The following CLVS1 variants were observed in gnomAD, a reference collection of about 807,000 sequenced individuals.
The protein encoded by CLVS1 is clavesin-1.
In CLVS1, 10 loss-of-function variants were observed where a neutral mutation model predicts 33.1. The observed-to-expected ratio is 0.30, with a 90% CI of 0.19 to 0.51. The LOEUF (loss-of-function observed/expected upper bound fraction) is 0.51, where lower values mean the gene tolerates loss of function less well. Among genes scored for constraint, CLVS1 ranks in the 20% least tolerant of loss-of-function variants. The pLI is 0.97. For missense variants in CLVS1, 343 were observed against 433.4 expected (o/e 0.79, Z 1.85); for synonymous variants, 163 against 166.1 (o/e 0.98, Z 0.14).
intron 2 of CLVS1, among the ~76,000 whole-genome samples, chr8:61,227,132 A>G (rs2931346): frequency 0.63 from 95,738 of 151,830 alleles, 32,574 homozygotes; most frequent in East Asian, 0.97. Flanking sequence ...ATAGGTGGAC[A>G]ATGTTTGCAT....
intron 3 of CLVS1, among the ~76,000 whole-genome samples, chr8:61,421,777 T>A (rs117988981): frequency 6.6e-6 from 1 of 152,154 alleles, no homozygotes; most frequent in Non-Finnish European, 1.5e-5. Flanking sequence ...TGCCTTTTCA[T>A]GTTGGAAGCC....
chr8:61,086,035 CAAAAAAAAAAAAAAAAAAAAAA>C (rs4033854), intron 1 of CLVS1, among the ~76,000 whole-genome samples: 13 of 31,246 alleles, frequency 4.2e-4, no homozygotes, highest in East Asian at 1.2e-3. Flanking sequence ...GACTCCCTCT[CAAAAAAAAAAAAAAAAAAAAAA>C]AAAAAAAAAA....
intron 3 of CLVS1, among the ~76,000 whole-genome samples, chr8:61,423,408 CATT>C (rs1176538662): frequency 4.6e-5 from 7 of 152,182 alleles, no homozygotes; most frequent in African/African-American, 1.4e-4. Flanking sequence ...CAAAACAAAT[CATT>C]ATGACTTTCA....
chr8:61,247,860 T>A (rs1010164971), intron 2 of CLVS1, among the ~76,000 whole-genome samples: 1 of 152,200 alleles, frequency 6.6e-6, no homozygotes, highest in Non-Finnish European at 1.5e-5. Flanking sequence ...ATTTTGCTTA[T>A]TCCTAGGTCC....
At chr8:61,174,260 C>G (rs1323041298) in intron 2 of CLVS1, among the ~76,000 whole-genome samples, 1 of 152,096 alleles carries the variant, frequency 6.6e-6, no homozygotes, top group Non-Finnish European at 1.5e-5. Context: ...AAACTGTCTG[C>G]AAACCACACA....
chr8:61,307,083 A>T (rs1810656217), intron 2 of CLVS1, among the ~76,000 whole-genome samples: 1 of 152,240 alleles, frequency 6.6e-6, no homozygotes. Flanking sequence ...TCCAGATAAT[A>T]AAAGCCCCAG....
At chr8:61,223,033 A>G (rs150685000) in intron 2 of CLVS1, among the ~76,000 whole-genome samples, 2 of 149,916 alleles carry the variant, frequency 1.3e-5, no homozygotes, top group East Asian at 3.9e-4. Context: ...TTCTTTGGTA[A>G]GTTTTCCTCA....
intron 2 of CLVS1, among the ~76,000 whole-genome samples, chr8:61,350,007 G>A (rs1812384616): frequency 6.6e-6 from 1 of 152,074 alleles, no homozygotes; most frequent in Non-Finnish European, 1.5e-5. Context: ...ACTAATACAT[G>A]TATGGAGTAT....
intron 2 of CLVS1, among the ~76,000 whole-genome samples, chr8:61,301,478 T>C (rs532323292): frequency 1.9e-4 from 29 of 152,318 alleles, no homozygotes; most frequent in African/African-American, 7.0e-4. Context: ...CCCACCTCTG[T>C]TTATGTTTCT....
chr8:61,447,166 G>A (rs1413832403), intron 3 of CLVS1, among the ~76,000 whole-genome samples: 3 of 152,096 alleles, frequency 2.0e-5, no homozygotes, highest in African/African-American at 7.2e-5. Flanking sequence ...ATTATCAGTT[G>A]TTGAGAGAGT....
the CLVS1 span, among the ~76,000 whole-genome samples, chr8:60,979,752 G>T: frequency 6.6e-6 from 1 of 152,152 alleles, no homozygotes; most frequent in Non-Finnish European, 1.5e-5. Context: ...TTGTAGCTGG[G>T]GTGGGAAGGC....
At chr8:61,198,581 T>G (rs1032462912) in intron 2 of CLVS1, among the ~76,000 whole-genome samples, 1 of 152,236 alleles carries the variant, frequency 6.6e-6, no homozygotes, top group African/African-American at 2.4e-5. Flanking sequence ...TGTTTCACCA[T>G]GTTGGCCAGG....
In CLVS1 at chr8:61,340,102, AAAG is replaced by A. The variant is rs745846445; in HGVS notation, c.456-36500_456-36498del. On this transcript the variant is annotated intron_variant, in intron 2 of 5. Transcript: ENST00000325897. ...GAAAGGAAAGAAAGAAAAAGAAAGA[AAAG>A]AAAGAAAGAGAGAAAGGGAAAGAAC... Among the ~76,000 whole-genome samples, 19 of 151,920 alleles carry A rather than the reference AAAG, an allele frequency of 1.3e-4. No individual in the cohort carries two copies. In the East Asian group the frequency reaches 2.1e-3, roughly 17 times the overall value.
At chr8:61,286,673 G>A (rs576062633), upstream of CLVS1, among the ~76,000 whole-genome samples, 1 of 152,330 alleles carries the variant, frequency 6.6e-6, no homozygotes, top group Non-Finnish European at 1.5e-5. Context: ...ATAATACTAT[G>A]TTAGAGTTGG....
At chr8:61,047,911 G>A in the CLVS1 span, among the ~76,000 whole-genome samples, 2 of 151,846 alleles carry the variant, frequency 1.3e-5, no homozygotes, top group Non-Finnish European at 2.9e-5. Context: ...CTTGCACATT[G>A]TGCACATATA....
chr8:61,289,810 T>A (rs1202086962), intron 1 of CLVS1, among the ~76,000 whole-genome samples: 5 of 152,222 alleles, frequency 3.3e-5, no homozygotes, highest in Non-Finnish European at 7.3e-5. Flanking sequence ...TAAGTCTCTT[T>A]GAGAATGAGA....
rs1286266650 is a variant in CLVS1, at chr8:61,115,907, G to A, written c.-242-15863G>A. ...ATATACCCAGTAATGGGATGGCTGG[G>A]TCAAATGGTATTTCCAGTTCTAGAT... On this transcript the variant is annotated intron_variant, in intron 1 of 2. Transcript: ENST00000522621. Among the ~76,000 whole-genome samples the A allele has an allele frequency of 3.0e-4, 44 of 146,292 alleles. No homozygotes were observed. In the South Asian group the frequency reaches 3.7e-3, roughly 12 times the overall value.
At chr8:61,342,494 G>T (rs1812061923) in intron 2 of CLVS1, among the ~76,000 whole-genome samples, 1 of 152,090 alleles carries the variant, frequency 6.6e-6, no homozygotes, top group Non-Finnish European at 1.5e-5. Context: ...TCCGCTTTTC[G>T]CACTATGTGT....
chr8:61,025,391 C>G, the CLVS1 span, among the ~76,000 whole-genome samples: 1 of 152,328 alleles, frequency 6.6e-6, no homozygotes, highest in East Asian at 1.9e-4. Flanking sequence ...AGAGTCAAAA[C>G]TAAGTAACAT....
Sources: gnomAD v4.1 joint callset for allele counts (sites outside exome capture counted in the v4.1 genomes callset) on GRCh38, gnomAD v4.1.1 for gene constraint, MANE v1.5 for transcripts, NCBI Gene and HGNC (gene_info 2026-07-23, HGNC 2026-07-21) for gene names.